The following SNX24 variants were observed in gnomAD, a reference collection of about 807,000 sequenced individuals.
SNX24 encodes sorting nexin 24, also known as sorting nexin-24.
In SNX24, 22 loss-of-function variants were observed where a neutral mutation model predicts 28.7. The observed-to-expected ratio is 0.77, with a 90% CI of 0.55 to 1.10. SNX24 has a LOEUF of 1.10. SNX24 is among the 50% of genes least tolerant of loss of function. The pLI is 0.00. For synonymous variants in SNX24, 69 were observed against 71.5 expected, an observed-to-expected ratio of 0.96 and a Z score of 0.18; for missense variants, 221 against 201.1, an observed-to-expected ratio of 1.10 and a Z score of -0.60.
At chr5:122,856,773 C>T (rs1310295424) in intron 1 of SNX24, among the ~76,000 whole-genome samples, 1 of 152,012 alleles carries the variant, frequency 6.6e-6, no homozygotes, top group Non-Finnish European at 1.5e-5. Flanking sequence ...ACCTTGGCCT[C>T]CCAAAGTGCT....
At chr5:123,006,745 C>T (rs1322429345) in intron 6 of SNX24, among the ~76,000 whole-genome samples, 3 of 152,200 alleles carry the variant, frequency 2.0e-5, no homozygotes, top group African/African-American at 7.2e-5. Flanking sequence ...TGGCCACAGA[C>T]TTGCCACCTG....
chr5:122,880,853 G>A (rs1261114793), intron 1 of SNX24, among the ~76,000 whole-genome samples: 3 of 152,148 alleles, frequency 2.0e-5, no homozygotes, highest in Non-Finnish European at 4.4e-5. Context: ...ACCACAACCA[G>A]CATCAGAGAA....
chr5:122,926,762 A>T (rs1256704448), intron 1 of SNX24, among the ~76,000 whole-genome samples: 2 of 152,170 alleles, frequency 1.3e-5, no homozygotes, highest in African/African-American at 4.8e-5. Flanking sequence ...CTTAAGCTAG[A>T]ATCATGGGAG....
intron 3 of SNX24, among the ~76,000 whole-genome samples, chr5:122,990,048 C>T (rs1203734866): frequency 6.6e-6 from 1 of 152,178 alleles, no homozygotes; most frequent in Non-Finnish European, 1.5e-5. Context: ...AGCCAAGAGG[C>T]CAAGCCCCTC....
intron 1 of SNX24, among the ~76,000 whole-genome samples, chr5:122,933,658 C>T (rs1759055732): frequency 6.6e-6 from 1 of 152,130 alleles, no homozygotes; most frequent in Non-Finnish European, 1.5e-5. Flanking sequence ...TGGGAGGCTA[C>T]ATCTCCTTCC....
chr5:122,941,793 T>C (rs1299136470), intron 2 of SNX24, among the ~76,000 whole-genome samples: 2 of 152,236 alleles, frequency 1.3e-5, no homozygotes, highest in African/African-American at 4.8e-5. Flanking sequence ...GATCAGTTTC[T>C]ACTGTGGGAG....
At chr5:123,009,431 A>G (rs1762518356), downstream of SNX24, among the ~76,000 whole-genome samples, 1 of 152,278 alleles carries the variant, frequency 6.6e-6, no homozygotes, top group African/African-American at 2.4e-5. Flanking sequence ...AATTTTTTTG[A>G]AAAAACCAAG....
chr5:122,905,171 G>A (rs1757595195), intron 1 of SNX24, among the ~76,000 whole-genome samples: 1 of 152,166 alleles, frequency 6.6e-6, no homozygotes, highest in Non-Finnish European at 1.5e-5. Context: ...TTTGTGGGTG[G>A]GGTGTTGAGG....
chr5:123,002,200 C>A, intron 6 of SNX24, 196 bp downstream of exon 6: 2 of 596,224 alleles, frequency 3.4e-6, no homozygotes, highest in Non-Finnish European at 6.0e-6. Context: ...TGTAATTTTT[C>A]TTTCTCTCTT....
At chr5:122,963,008 C>T (rs1245706085) in intron 3 of SNX24, among the ~76,000 whole-genome samples, 4 of 152,028 alleles carry the variant, frequency 2.6e-5, no homozygotes, top group Admixed American at 6.6e-5. Context: ...CCAAGGTGGG[C>T]GGATCACTTG....
intron 6 of SNX24, among the ~76,000 whole-genome samples, chr5:123,004,715 C>T (rs1054652535): frequency 6.6e-6 from 1 of 152,172 alleles, no homozygotes; most frequent in Non-Finnish European, 1.5e-5. Flanking sequence ...CCCTAGCCAC[C>T]CTGGAATTCT....
chr5:122,853,427 G>T (rs1755030612), intron 1 of SNX24, among the ~76,000 whole-genome samples: 1 of 151,934 alleles, frequency 6.6e-6, no homozygotes, highest in Non-Finnish European at 1.5e-5. Flanking sequence ...GCGCCCGGCG[G>T]TATGTTCCTT....
intron 1 of SNX24, among the ~76,000 whole-genome samples, chr5:122,899,988 G>T (rs1346178997): frequency 6.6e-6 from 1 of 152,040 alleles, no homozygotes; most frequent in Non-Finnish European, 1.5e-5. Flanking sequence ...TAAATATTGT[G>T]TGTATTTAAG....
intron 1 of SNX24, among the ~76,000 whole-genome samples, chr5:122,871,472 A>C (rs1755976368): frequency 6.6e-6 from 1 of 152,174 alleles, no homozygotes. Context: ...AATGAACTTA[A>C]GAAAAGCTTT....
At chr5:122,910,621 C>T (rs1370216323) in intron 1 of SNX24, among the ~76,000 whole-genome samples, 1 of 105,984 alleles carries the variant, frequency 9.4e-6, no homozygotes, top group Non-Finnish European at 1.8e-5. Flanking sequence ...CTCCCCCCTC[C>T]CCCCACCCCA....
chr5:122,878,900 C>G (rs1357482370), intron 1 of SNX24, among the ~76,000 whole-genome samples: 1 of 148,966 alleles, frequency 6.7e-6, no homozygotes, highest in Non-Finnish European at 1.5e-5. Flanking sequence ...CGTTTGAGCC[C>G]AGGAGGTCAA....
intron 3 of SNX24, among the ~76,000 whole-genome samples, chr5:122,962,694 T>C (rs1313472863): frequency 6.6e-6 from 1 of 152,194 alleles, no homozygotes; most frequent in African/African-American, 2.4e-5. Context: ...AAAATAGGTA[T>C]TTCATGGAGA....
At chr5:122,986,829 A>T (rs964230037) in intron 3 of SNX24, among the ~76,000 whole-genome samples, 3 of 110,992 alleles carry the variant, frequency 2.7e-5, no homozygotes, top group Middle Eastern at 4.8e-3. Context: ...GAAGAGACAG[A>T]TAGGTAAATG....
Position 123,008,132 on chromosome 5 carries a change from T to C in SNX24, c.*383T>C, listed in dbSNP as rs1472815039. Reference sequence around the variant, plus strand: ...GAATCATACTGAGACTGATCAACTTTGGTAGCTTTTTTGTTCAGATCTTAT... The same window carrying C: ...GAATCATACTGAGACTGATCAACTTCGGTAGCTTTTTTGTTCAGATCTTAT... On this transcript the variant is annotated 3_prime_UTR_variant, in exon 7 of 7. Transcript: ENST00000261369. 4.0e-6 allele frequency: 4 copies of C among 996,260 alleles called. No individual in the cohort carries two copies. The highest frequency in any genetic ancestry group is 4.8e-6 in the Non-Finnish European group (4 of 837,470). The allele number at this position is 996,260 out of a possible 1,614,324, so 61.7% of individuals were successfully genotyped here. A position where few individuals can be genotyped will look rare whatever the true frequency, so the allele number is the denominator to read the frequency against.
Sources: allele counts gnomAD v4.1 joint callset (sites outside exome capture counted in the v4.1 genomes callset), GRCh38; gene constraint gnomAD v4.1.1; transcripts MANE v1.5; gene names NCBI Gene and HGNC (gene_info 2026-07-23, HGNC 2026-07-21).